TRAPPC9: variants seen among roughly 807,000 people sequenced by gnomAD.
TRAPPC9 encodes IKK2 binding protein.
A neutral mutation model predicts 124.0 loss-of-function variants in TRAPPC9; 83 were observed. The observed-to-expected ratio is 0.67, with a 90% CI of 0.56 to 0.80. The LOEUF (loss-of-function observed/expected upper bound fraction) is 0.80. TRAPPC9 is among the 30% of genes least tolerant of loss of function. The probability of loss-of-function intolerance (pLI) is 0.00; values close to 1 mark genes in which losing one functional copy is unlikely to be tolerated. For missense variants in TRAPPC9, 1,302 were observed against 1,508.3 expected (o/e 0.86, Z 2.27); for synonymous variants, 638 against 617.5 (o/e 1.03, Z -0.49).
At chr8:140,280,090 G>C (rs79857153) in intron 14 of TRAPPC9, among the ~76,000 whole-genome samples, 3 of 152,172 alleles carry the variant, frequency 2.0e-5, no homozygotes, top group African/African-American at 7.2e-5. Flanking sequence ...AGCGCGTGCC[G>C]TGACACTGTA....
intron 21 of TRAPPC9, among the ~76,000 whole-genome samples, chr8:139,824,438 G>A (rs1308938955): frequency 6.6e-6 from 1 of 152,228 alleles, no homozygotes; most frequent in Non-Finnish European, 1.5e-5. Flanking sequence ...AGTGGAGCAC[G>A]TCGGGCGGTG....
At chr8:140,025,337 A>G (rs1479161817) in intron 17 of TRAPPC9, among the ~76,000 whole-genome samples, 2 of 152,234 alleles carry the variant, frequency 1.3e-5, no homozygotes, top group Admixed American at 1.3e-4. Flanking sequence ...AGAGCTAAGA[A>G]CAGTTTTTAC....
intron 5 of TRAPPC9, among the ~76,000 whole-genome samples, chr8:140,421,290 G>A (rs2070195791): frequency 6.6e-6 from 1 of 152,118 alleles, no homozygotes; most frequent in South Asian, 2.1e-4. Context: ...ATAAATGTTA[G>A]CTTATTTTTG....
At chr8:140,145,508 T>C (rs1164190968) in intron 17 of TRAPPC9, among the ~76,000 whole-genome samples, 1 of 152,210 alleles carries the variant, frequency 6.6e-6, no homozygotes, top group Non-Finnish European at 1.5e-5. Context: ...TGGTGAACTT[T>C]ACTGAATTAT....
chr8:139,905,892 A>G (rs1339081259), intron 20 of TRAPPC9, among the ~76,000 whole-genome samples: 1 of 152,054 alleles, frequency 6.6e-6, no homozygotes, highest in Non-Finnish European at 1.5e-5. Flanking sequence ...CAGGAGATTC[A>G]GACCATTATG....
At chr8:140,070,989 C>G (rs6987584) in intron 17 of TRAPPC9, among the ~76,000 whole-genome samples, 54,275 of 151,954 alleles carry the variant, frequency 0.36, 12,911 homozygotes, top group African/African-American at 0.68. Context: ...CCAGAAGCAA[C>G]GGGAGCAGGA....
At chr8:139,752,411 G>A (rs115527385) in intron 21 of TRAPPC9, among the ~76,000 whole-genome samples, 7,004 of 115,472 alleles carry the variant, frequency 0.061, 535 homozygotes, top group African/African-American at 0.21. Context: ...CCCATCTACC[G>A]TCCATCCATC....
intron 16 of TRAPPC9, among the ~76,000 whole-genome samples, chr8:140,224,746 C>T (rs2063407926): frequency 6.6e-6 from 1 of 152,108 alleles, no homozygotes; most frequent in Non-Finnish European, 1.5e-5. Flanking sequence ...TCCTAATATG[C>T]CCCAATTTTT....
chr8:140,016,643 G>C (rs1362691959), intron 18 of TRAPPC9, among the ~76,000 whole-genome samples: 1 of 152,206 alleles, frequency 6.6e-6, no homozygotes, highest in Non-Finnish European at 1.5e-5. Flanking sequence ...TTTCTGAGGA[G>C]TATTCCATTG....
intron 17 of TRAPPC9, among the ~76,000 whole-genome samples, chr8:140,066,696 G>A (rs142950406): frequency 4.9e-4 from 75 of 152,230 alleles, no homozygotes; most frequent in South Asian, 1.7e-3. Context: ...ACACCTACTC[G>A]GTGCAAAGCC....
chr8:140,037,586 T>TACAC (rs369070239), intron 17 of TRAPPC9, among the ~76,000 whole-genome samples: 11 of 141,498 alleles, frequency 7.8e-5, no homozygotes, highest in East Asian at 2.1e-4. Flanking sequence ...CACACACACA[T>TACAC]ACACACACAC....
intron 21 of TRAPPC9, among the ~76,000 whole-genome samples, chr8:139,833,126 C>T (rs1826098968): frequency 6.6e-6 from 1 of 152,110 alleles, no homozygotes; most frequent in South Asian, 2.1e-4. Flanking sequence ...GGTCCTACAG[C>T]CACAAGGACC....
intron 17 of TRAPPC9, among the ~76,000 whole-genome samples, chr8:140,115,862 C>A (rs987308326): frequency 3.9e-5 from 6 of 152,170 alleles, no homozygotes; most frequent in African/African-American, 1.4e-4. Flanking sequence ...GTAATAGTCA[C>A]CCTCCAAGGG....
At chr8:140,297,081 C>T (rs1483795203) in intron 11 of TRAPPC9, among the ~76,000 whole-genome samples, 2 of 152,222 alleles carry the variant, frequency 1.3e-5, no homozygotes, top group African/African-American at 4.8e-5. Context: ...CCCCAAAACA[C>T]AGTGAGGACA....
intron 18 of TRAPPC9, among the ~76,000 whole-genome samples, chr8:140,011,670 ATTTTTTTTTTTTT>A (rs56884853): frequency 1.6e-5 from 1 of 62,630 alleles, no homozygotes; most frequent in African/African-American, 6.2e-5. Flanking sequence ...CACCCAGCTA[ATTTTTTTTTTTTT>A]TTTTTTTTTT....
chr8:140,244,899 TG>T, intron 16 of TRAPPC9, among the ~76,000 whole-genome samples: 1 of 146,126 alleles, frequency 6.8e-6, no homozygotes, highest in East Asian at 2.2e-4. Flanking sequence ...CTCTGCTTTC[TG>T]GGTTCAAGCG....
At chr8:139,818,631 T>C (rs1175603283) in intron 21 of TRAPPC9, among the ~76,000 whole-genome samples, 1 of 152,106 alleles carries the variant, frequency 6.6e-6, no homozygotes, top group Non-Finnish European at 1.5e-5. Flanking sequence ...CTGGTATATG[T>C]TTAACAACTG....
chr8:139,897,381 C>T (rs1011894774), intron 20 of TRAPPC9, among the ~76,000 whole-genome samples: 1 of 152,226 alleles, frequency 6.6e-6, no homozygotes, highest in African/African-American at 2.4e-5. Context: ...GCCCCACCTT[C>T]CCAACTGCTT....
At chr8:140,187,113 C>A (rs894725279) in intron 17 of TRAPPC9, among the ~76,000 whole-genome samples, 2 of 152,160 alleles carry the variant, frequency 1.3e-5, no homozygotes, top group African/African-American at 4.8e-5. Flanking sequence ...ACAGTCACCC[C>A]TCGAACTACA....
Sources: allele counts gnomAD v4.1 joint callset (sites outside exome capture counted in the v4.1 genomes callset), GRCh38; gene constraint gnomAD v4.1.1; transcripts MANE v1.5; gene names NCBI Gene and HGNC (gene_info 2026-07-23, HGNC 2026-07-21).